Variants in ARHGAP26 observed in about 807,000 individuals in gnomAD.
ARHGAP26 encodes the protein rho GTPase-activating protein 26.
Under a neutral mutation model 104.8 loss-of-function variants are expected in ARHGAP26, and 38 were observed. That is an observed-to-expected ratio of 0.36 (90% confidence interval 0.28 to 0.48). ARHGAP26 has a LOEUF of 0.48. ARHGAP26 is among the 20% of genes least tolerant of loss of function. The probability of loss-of-function intolerance (pLI) is 0.99; values close to 1 mark genes in which losing one functional copy is unlikely to be tolerated. For missense variants in ARHGAP26, 704 were observed against 947.9 expected (o/e 0.74, Z 3.38); for synonymous variants, 341 against 340.0 (o/e 1.00, Z -0.03).
intron 1 of ARHGAP26, among the ~76,000 whole-genome samples, chr5:142,810,642 G>A (rs1296714480): frequency 6.6e-6 from 1 of 152,186 alleles, no homozygotes; most frequent in Non-Finnish European, 1.5e-5. Flanking sequence ...GAGAACTTAG[G>A]AAGTTCCAGG....
At chr5:143,133,618 A>G (rs7723598) in intron 18 of ARHGAP26, among the ~76,000 whole-genome samples, 5,456 of 152,354 alleles carry the variant, frequency 0.036, 343 homozygotes, top group African/African-American at 0.12. Flanking sequence ...GGACAAAGGT[A>G]GTCAAAAAAC....
chr5:142,928,045 G>C (rs1233550555), intron 10 of ARHGAP26, among the ~76,000 whole-genome samples: 2 of 151,950 alleles, frequency 1.3e-5, no homozygotes. Context: ...TACATATTCT[G>C]GATATGATTC....
chr5:143,014,253 T>A, intron 12 of ARHGAP26, 137 bp downstream of exon 12: 1 of 902,502 alleles, frequency 1.1e-6, no homozygotes, highest in Non-Finnish European at 1.8e-6. Flanking sequence ...CAGTGGGACA[T>A]GCCTCCACCC....
At chr5:142,996,809 G>T (rs932085619) in intron 11 of ARHGAP26, among the ~76,000 whole-genome samples, 1 of 152,166 alleles carries the variant, frequency 6.6e-6, no homozygotes, top group African/African-American at 2.4e-5. Context: ...TCTGCATGGA[G>T]GCATTGTTGC....
chr5:143,059,576 C>T (rs1012042562), intron 17 of ARHGAP26, among the ~76,000 whole-genome samples: 27 of 152,160 alleles, frequency 1.8e-4, no homozygotes, highest in African/African-American at 6.0e-4. Context: ...CCCTCCAGTC[C>T]CATTACATTC....
chr5:142,831,118 G>A (rs1768334334), intron 1 of ARHGAP26, among the ~76,000 whole-genome samples: 1 of 152,182 alleles, frequency 6.6e-6, no homozygotes, highest in African/African-American at 2.4e-5. Context: ...GTTAGTGTCT[G>A]TTTCTTTCTT....
At chr5:143,165,723 C>A (rs745968441) in intron 20 of ARHGAP26, among the ~76,000 whole-genome samples, 7 of 152,080 alleles carry the variant, frequency 4.6e-5, no homozygotes, top group Non-Finnish European at 1.0e-4. Flanking sequence ...ACCGACCCTC[C>A]CCACTTTTGG....
rs1811403043 is a variant in ARHGAP26, at chr5:143,223,152, T to C, written c.*706T>C. 3.0e-5 allele frequency: 7 copies of C among 233,530 alleles called. No individual in the cohort carries two copies. The East Asian group carries it at 3.6e-4, about 12-fold the overall frequency. 14.5% of individuals were successfully genotyped at this position (233,530 alleles called of 1,614,324 possible). ...CCAAGGGCTGCCATCCATCGCCTAG[T>C]AACCACGGCAACCCAACCTACTCTA... On this transcript the variant is annotated 3_prime_UTR_variant, in exon 23 of 23. Coordinates refer to ENST00000645722, the MANE Select transcript of ARHGAP26 (RefSeq NM_001135608.3).
intron 22 of ARHGAP26, chr5:143,216,349 A>G (rs1810352752): frequency 2.1e-6 from 1 of 466,438 alleles, no homozygotes; most frequent in African/African-American, 2.0e-5. Flanking sequence ...GTGATCTTTG[A>G]AAAACGGAAA....
intron 11 of ARHGAP26, among the ~76,000 whole-genome samples, chr5:142,932,481 T>C (rs564977720): frequency 3.9e-5 from 6 of 152,174 alleles, no homozygotes; most frequent in Non-Finnish European, 8.8e-5. Flanking sequence ...GGTAATATGA[T>C]CCCTGCTGCC....
At chr5:142,852,852 G>T (rs1041437669) in intron 1 of ARHGAP26, among the ~76,000 whole-genome samples, 2 of 152,198 alleles carry the variant, frequency 1.3e-5, no homozygotes, top group African/African-American at 2.4e-5. Flanking sequence ...GTGTCGCTCT[G>T]CCTGCAGTCA....
intron 20 of ARHGAP26, among the ~76,000 whole-genome samples, chr5:143,155,913 G>A (rs1349223388): frequency 6.6e-6 from 1 of 152,152 alleles, no homozygotes; most frequent in Non-Finnish European, 1.5e-5. Flanking sequence ...ATGAATGACT[G>A]AATTTCATTT....
intron 1 of ARHGAP26, among the ~76,000 whole-genome samples, chr5:142,800,973 A>G (rs952327829): frequency 3.3e-5 from 5 of 152,150 alleles, no homozygotes. Context: ...CTGATGGGGA[A>G]CATCAGGTCA....
chr5:143,122,014 A>G (rs1166633495), intron 18 of ARHGAP26, among the ~76,000 whole-genome samples: 2 of 152,206 alleles, frequency 1.3e-5, no homozygotes, highest in Non-Finnish European at 2.9e-5. Context: ...GTACACTGAT[A>G]ATGTTGTAAG....
intron 8 of ARHGAP26, among the ~76,000 whole-genome samples, chr5:142,906,687 A>AT (rs1372322573): frequency 6.6e-6 from 1 of 152,080 alleles, no homozygotes; most frequent in Non-Finnish European, 1.5e-5. Flanking sequence ...AATTACTGGA[A>AT]TTTTTTCCCC....
chr5:143,063,518 C>T (rs772416529), intron 17 of ARHGAP26, among the ~76,000 whole-genome samples: 1 of 152,198 alleles, frequency 6.6e-6, no homozygotes, highest in African/African-American at 2.4e-5. Context: ...CTGGACCAGA[C>T]GTTTTTGGAA....
At position 142,778,930 on chromosome 5, in the gene ARHGAP26, A is replaced by G. The variant is rs1756905338; in HGVS notation, c.154+8015A>G. ...TAGACACTGACACTGATTTTAAAAC[A>G]ACCAAGGGATAGAAAAAAAAAAAAA... On this transcript the variant is annotated intron_variant, in intron 1 of 22. Coordinates refer to ENST00000645722, the MANE Select transcript of ARHGAP26 (RefSeq NM_001135608.3). Among the ~76,000 whole-genome samples the G allele has an allele frequency of 3.4e-5, 5 of 146,708 alleles. No homozygotes were observed. In the South Asian group the frequency reaches 1.1e-3, roughly 31 times the overall value.
intron 1 of ARHGAP26, among the ~76,000 whole-genome samples, chr5:142,784,083 G>A (rs1043637293): frequency 6.6e-6 from 1 of 152,170 alleles, no homozygotes; most frequent in Non-Finnish European, 1.5e-5. Context: ...ACAATCTGCC[G>A]GCCTTCTGAC....
intron 1 of ARHGAP26, among the ~76,000 whole-genome samples, chr5:142,775,126 T>C: frequency 6.6e-6 from 1 of 152,052 alleles, no homozygotes; most frequent in East Asian, 1.9e-4. Flanking sequence ...TATATAGTAA[T>C]GTATATATAT....
Sources: allele counts gnomAD v4.1 joint callset (sites outside exome capture counted in the v4.1 genomes callset), GRCh38; gene constraint gnomAD v4.1.1; transcripts MANE v1.5; gene names NCBI Gene and HGNC (gene_info 2026-07-23, HGNC 2026-07-21).